Variants in NSFL1C observed in about 807,000 individuals in gnomAD.
The protein encoded by NSFL1C is NSFL1 cofactor p47.
In NSFL1C, 14 loss-of-function variants were observed where a neutral mutation model predicts 43.1. The observed-to-expected ratio is 0.32, with a 90% confidence interval of 0.21 to 0.51. The LOEUF (loss-of-function observed/expected upper bound fraction) is 0.51. Ranked by LOEUF, NSFL1C falls within the 20% of genes least tolerant of loss-of-function variation. NSFL1C has a pLI of 0.98. For synonymous variants in NSFL1C, 171 were observed against 183.5 expected (o/e 0.93, Z 0.55); for missense variants, 406 against 472.5 (o/e 0.86, Z 1.30).
chr20:1,461,777 TAACAGTACTAAC>T (rs2090417086), intron 2 of NSFL1C, among the ~76,000 whole-genome samples: 1 of 152,186 alleles, frequency 6.6e-6, no homozygotes, highest in South Asian at 2.1e-4. Flanking sequence ...ACCTCAGTGC[TAACAGTACTAAC>T]AACAGTACTA....
chr20:1,447,280 G>A (rs920360890), intron 7 of NSFL1C, among the ~76,000 whole-genome samples: 1 of 152,174 alleles, frequency 6.6e-6, no homozygotes, highest in Non-Finnish European at 1.5e-5. Context: ...TGGAAATAGT[G>A]AATAGGTAAA....
chr20:1,466,803 C>G lies in NSFL1C; in HGVS notation c.22G>C (p.Ala8Pro), dbSNP rs768407230. The G allele has an allele frequency of 1.9e-6, 3 of 1,551,318 alleles. No individual in the cohort carries two copies. Among genetic ancestry groups the G allele is most frequent in the African/African-American group, 1.4e-5 (1 of 71,054 alleles). The change falls in exon 1 of 9, where the codon GCG (alanine) becomes CCG (proline). Residue 8 changes from alanine to proline, a missense_variant. By Grantham distance (27) the Ala-to-Pro change is conservative. This residue lies in a region of NSFL1C where 203 missense variants were observed against 216.3 expected (regional missense o/e 0.94). Transcript: ENST00000216879. MAAERQEALREFVAVTGA... is the reference protein window; with the variant it reads MAAERQEPLREFVAVTGA... ...GTCACCGCCACGAACTCCCTCAGCG[C>G]CTCCTGTCGCTCCGCCGCCATCTTC...
Position 1,443,930 on chromosome 20 carries a change from C to T in NSFL1C, c.951-19G>A, listed in dbSNP as rs370167904. ...GCTGATCCTGCAGGAGTTGGGGAAG[C>T]GGTGAGCAGTGCCATCCTCTGCTGT... On this transcript the variant is annotated intron_variant, in intron 8 of 8. Coordinates refer to ENST00000216879, the MANE Select transcript of NSFL1C (RefSeq NM_016143.5). 31 of 1,603,060 alleles carry T rather than the reference C, an allele frequency of 1.9e-5. No individual in the cohort carries two copies. The highest frequency in any genetic ancestry group is 2.4e-5 in the Non-Finnish European group (28 of 1,177,814).
chr20:1,456,016 T>C (rs2090292920), intron 3 of NSFL1C: 1 of 443,582 alleles, frequency 2.3e-6, no homozygotes, highest in Non-Finnish European at 4.2e-6. Flanking sequence ...CCAGTTGTCA[T>C]GCAGCCTGGC....
At chr20:1,449,090 G>C (rs913865764) in intron 7 of NSFL1C, among the ~76,000 whole-genome samples, 49 of 152,230 alleles carry the variant, frequency 3.2e-4, no homozygotes, top group African/African-American at 1.1e-3. Flanking sequence ...GCAGAGACTG[G>C]AGGGACCCAG....
chr20:1,452,718 C>A, intron 6 of NSFL1C, 88 bp from the exon 7 acceptor site: 2 of 1,532,946 alleles, frequency 1.3e-6, no homozygotes, highest in African/African-American at 1.4e-5. Context: ...CTCTCAGTCC[C>A]GTGGTGAAAA....
intron 5 of NSFL1C, 77 bp downstream of exon 5, chr20:1,454,136 C>T (rs2090245671): frequency 8.7e-7 from 1 of 1,155,770 alleles, no homozygotes; most frequent in Non-Finnish European, 1.3e-6. Flanking sequence ...GGTTAATGCA[C>T]AATATGTAAC....
intron 3 of NSFL1C, 52 bp from the exon 4 acceptor site, chr20:1,455,184 G>T: frequency 6.2e-7 from 1 of 1,602,002 alleles, no homozygotes; most frequent in South Asian, 1.1e-5. Context: ...AACATGAATA[G>T]AGCATGTGCC....
Position 1,458,180 on chromosome 20 carries a change from AC to A in NSFL1C, c.278+19del, listed in dbSNP as rs781591170. 2.6e-5 allele frequency: 41 copies of A among 1,602,936 alleles called. No homozygotes were observed. Among genetic ancestry groups the A allele is most frequent in the Non-Finnish European group, 3.3e-5 (39 of 1,170,220 alleles). ...GACTTCCCTGTGAACTGTCCCCCTGACCCCCTCTAGAAGACTCACCTCTGGC... is the reference window on the plus strand; with the variant it reads ...GACTTCCCTGTGAACTGTCCCCCTGACCCCTCTAGAAGACTCACCTCTGGC... On this transcript the variant is annotated intron_variant, in intron 3 of 8. Transcript: ENST00000216879.
At chr20:1,446,019 C>G in intron 7 of NSFL1C, 189 bp from the exon 8 acceptor site, 1 of 621,992 alleles carries the variant, frequency 1.6e-6, no homozygotes, top group Non-Finnish European at 2.8e-6. Context: ...TCACTTCAAA[C>G]CCTGAGTCAT....
chr20:1,456,856 A>G (rs761816355), intron 3 of NSFL1C: 1 of 152,238 alleles, frequency 6.6e-6, no homozygotes, highest in Non-Finnish European at 1.5e-5. Flanking sequence ...AAAAAATCTA[A>G]ATGTCAGGCA....
At chr20:1,452,892 G>C in intron 6 of NSFL1C, 139 bp downstream of exon 6, 1 of 720,652 alleles carries the variant, frequency 1.4e-6, no homozygotes, top group East Asian at 2.5e-5. Context: ...TTTTGGAGCA[G>C]ATCTATGAAT....
At chr20:1,466,409 GCGC>G in intron 1 of NSFL1C, among the ~76,000 whole-genome samples, 2 of 152,354 alleles carry the variant, frequency 1.3e-5, no homozygotes, top group South Asian at 4.1e-4. Flanking sequence ...CAGATACTCG[GCGC>G]GGCAGCCACG....
chr20:1,449,728 A>G (rs1434154720), intron 7 of NSFL1C, among the ~76,000 whole-genome samples: 1 of 152,156 alleles, frequency 6.6e-6, no homozygotes, highest in African/African-American at 2.4e-5. Flanking sequence ...CAAGAGCCCG[A>G]ATCACCCAAC....
intron 1 of NSFL1C, among the ~76,000 whole-genome samples, chr20:1,466,480 C>T (rs544742133): frequency 6.6e-6 from 1 of 152,338 alleles, no homozygotes; most frequent in South Asian, 2.1e-4. Context: ...TCGCTGACGC[C>T]GCAAGCGGGC....
At position 1,453,152 on chromosome 20, in the gene NSFL1C, G is replaced by A; in HGVS notation, c.538-12C>T. On this transcript the variant is annotated splice_polypyrimidine_tract_variant and intron_variant, in intron 5 of 8. Coordinates refer to ENST00000216879, the MANE Select transcript of NSFL1C (RefSeq NM_016143.5). ...AATACTACATGAACCTGTGATGACA[G>A]GGAGTAAACAGTTACCAGGGATCTG... 6.9e-7 allele frequency: 1 copy of A among 1,453,844 alleles called. No homozygotes were observed. The highest frequency in any genetic ancestry group is 1.1e-5 in the South Asian group (1 of 87,882). The allele number at this position is 1,453,844 out of a possible 1,614,324, so 90.1% of individuals were successfully genotyped here. A position where few individuals can be genotyped will look rare whatever the true frequency, so the allele number is the denominator to read the frequency against.
At chr20:1,464,305 G>A in intron 2 of NSFL1C, 24 bp downstream of exon 2, 1 of 1,597,720 alleles carries the variant, frequency 6.3e-7, no homozygotes, top group Non-Finnish European at 8.6e-7. Context: ...CACTCATGTA[G>A]CGATAATTGA....
At chr20:1,456,358 C>A (rs1417020047) in intron 3 of NSFL1C, 2 of 152,304 alleles carry the variant, frequency 1.3e-5, no homozygotes, top group Non-Finnish European at 1.5e-5. Context: ...GAGTGTGAAA[C>A]CCCAAAATTA....
At chr20:1,462,986 G>A (rs1309811633) in intron 2 of NSFL1C, among the ~76,000 whole-genome samples, 1 of 152,116 alleles carries the variant, frequency 6.6e-6, no homozygotes, top group African/African-American at 2.4e-5. Context: ...TCTCCCATGT[G>A]GTAGGCACTA....
Sources: allele counts gnomAD v4.1 joint callset (sites outside exome capture counted in the v4.1 genomes callset), GRCh38; gene constraint gnomAD v4.1.1; regional missense constraint gnomAD v4.1.1; transcripts MANE v1.5; gene names NCBI Gene and HGNC (gene_info 2026-07-23, HGNC 2026-07-21).